The following ADAMTS13 variants were observed in gnomAD, a reference collection of about 807,000 sequenced individuals.
ADAMTS13 encodes the protein ADAM metallopeptidase with thrombospondin type 1 motif 13.
A neutral mutation model predicts 155.1 loss-of-function variants in ADAMTS13; 110 were observed. The observed-to-expected ratio is 0.71, with a 90% confidence interval of 0.61 to 0.83. The LOEUF is 0.83. ADAMTS13 is among the 40% of genes least tolerant of loss of function. The pLI, the probability that ADAMTS13 is intolerant of heterozygous loss-of-function variation, is 0.00. For synonymous variants in ADAMTS13, 758 were observed against 756.4 expected (o/e 1.00, Z -0.03); for missense variants, 1,707 against 1,891.7 (o/e 0.90, Z 1.81).
At position 133,439,407 on chromosome 9, in the gene ADAMTS13, G is replaced by A; in HGVS notation, c.1747G>A (p.Val583Ile). 6.2e-7 allele frequency: 1 copy of A among 1,614,120 alleles called. No homozygotes were observed. Among genetic ancestry groups the A allele is most frequent in the South Asian group, 1.1e-5 (1 of 91,084 alleles). ...GACAGTTACCCCCAACCTGACCAGT[G>A]TCTACATTGCCAACCACAGGCCTCT... The part of the protein sequence containing the change: ...FLTVTPNLTS[V>I]YIANHRPLFT... Residue 583 changes from valine to isoleucine, a missense_variant, in exon 15 of 29, where the codon GTC becomes ATC. Coordinates refer to ENST00000355699, the MANE Select transcript of ADAMTS13 (RefSeq NM_139027.6).
Position 133,425,867 on chromosome 9 carries a change from A to G in ADAMTS13, c.415-71A>G. On this transcript the variant is annotated intron_variant, in intron 4 of 28. Coordinates refer to ENST00000355699, the MANE Select transcript of ADAMTS13 (RefSeq NM_139027.6). This position sits in a 1 kb window ranked among gnomAD's most constrained non-coding sequence, Gnocchi z 4.6. ...GGTTGTTAGGAGGACTAACTGGGAAACAAACCGACCGCAGTCAGCACCGTG... is the reference window on the plus strand; with the variant it reads ...GGTTGTTAGGAGGACTAACTGGGAAGCAAACCGACCGCAGTCAGCACCGTG... 1 of 1,600,778 alleles carries G rather than the reference A, an allele frequency of 6.2e-7. No homozygotes were observed. Among genetic ancestry groups the G allele is most frequent in the African/African-American group, 1.3e-5 (1 of 74,902 alleles).
rs1315537327 is a variant in ADAMTS13 at position 133,458,553 on chromosome 9, CT to C, written c.3910-420del. On this transcript the variant is annotated intron_variant, in intron 28 of 28. Transcript: ENST00000355699. Reference sequence around the variant, plus strand: ...CCTGGGCAACAGAGTGAGACTCTGTCTCAAAAAAAAAAAAAAAAAAAAAGCG... The same window carrying C: ...CCTGGGCAACAGAGTGAGACTCTGTCCAAAAAAAAAAAAAAAAAAAAAGCG... 6.5e-4 allele frequency among the ~76,000 whole-genome samples: 7 copies of C among 10,688 alleles called. No individual in the cohort carries two copies. The Admixed American group carries it at 7.8e-3, about 12-fold the overall frequency. The allele number at this position is 10,688 out of a possible 152,430, so 7.0% of individuals were successfully genotyped here.
chr9:133,434,049 T>C (rs2130828591), intron 11 of ADAMTS13, among the ~76,000 whole-genome samples: 1 of 151,674 alleles, frequency 6.6e-6, no homozygotes, highest in East Asian at 2.0e-4. Context: ...TGAGCCGAGA[T>C]TGGGCCATTG....
chr9:133,438,017 G>A, intron 13 of ADAMTS13, 120 bp downstream of exon 13: 2 of 1,561,214 alleles, frequency 1.3e-6, no homozygotes, highest in African/African-American at 1.3e-5. Flanking sequence ...GCAGGGGAGT[G>A]GTGCTGGGGA....
rs782037445 is a variant in ADAMTS13, at chr9:133,426,250, G to A, written c.591G>A (p.Gln197=). Residue 197 remains glutamine, a synonymous_variant, in exon 6 of 29, where the codon CAG becomes CAA. Transcript: ENST00000355699. Reference sequence around the variant, plus strand: ...ACCGGCAGGTGCGGGGCGTCACCCAGCTGGGCGGTGCCTGCTCCCCAACCT... The same window carrying A: ...ACCGGCAGGTGCGGGGCGTCACCCAACTGGGCGGTGCCTGCTCCCCAACCT... ...DGNRQVRGVT[Q]LGGACSPTWS... 2 of 1,612,896 alleles carry A rather than the reference G, an allele frequency of 1.2e-6. No homozygotes were observed. Among genetic ancestry groups the A allele is most frequent in the South Asian group, 2.2e-5 (2 of 91,090 alleles).
Position 133,456,572 on chromosome 9 carries a change from A to C in ADAMTS13, c.3577A>C (p.Thr1193Pro), listed in dbSNP as rs867510415. 1.9e-6 allele frequency: 3 copies of C among 1,613,490 alleles called. No individual in the cohort carries two copies. The highest frequency in any genetic ancestry group is 2.2e-5 in the East Asian group (1 of 44,874). The change falls in exon 27 of 29, where the codon ACC becomes CCC. Residue 1193 changes from threonine to proline, a missense_variant. Transcript: ENST00000355699. The surrounding 1 kb of genome is among the most constrained non-coding windows in gnomAD (Gnocchi z 4.4). ...GDMLLLWGRL[T>P]WRKMCRKLLD... ...CATGTTGCTGCTTTGGGGCCGGCTC[A>C]CCTGGAGGAAGATGTGCAGGAAGCT...
chr9:133,447,816 A>G (rs1842170522), intron 21 of ADAMTS13, among the ~76,000 whole-genome samples: 1 of 142,380 alleles, frequency 7.0e-6, no homozygotes, highest in African/African-American at 2.6e-5. Context: ...CTGGTCTCAA[A>G]CTCCTGACCT....
chr9:133,426,050 T>C lies in ADAMTS13; in HGVS notation c.527T>C (p.Leu176Pro). 1 of 1,614,018 alleles carries C rather than the reference T, an allele frequency of 6.2e-7. No homozygotes were observed. The highest frequency in any genetic ancestry group is 8.5e-7 in the Non-Finnish European group (1 of 1,180,028). Residue 176 changes from leucine (L) to proline (P), a missense_variant, in exon 5 of 29, where the codon CTC becomes CCC. By Grantham distance (98) the Leu-to-Pro change is moderately conservative (BLOSUM62 -3). Around this residue, in one of 3 missense-constraint regions of ADAMTS13, gnomAD observed 733 missense variants for 749.6 expected, o/e 0.98. Transcript: ENST00000355699. The part of the protein sequence containing the change: ...DTDPGHADLV[L>P]YITRFDLELP... ...GATCCTGGCCATGCTGACCTGGTCCTCTATATCACTAGGTAGCCGAGCTTT... is the reference window on the plus strand; with the variant it reads ...GATCCTGGCCATGCTGACCTGGTCCCCTATATCACTAGGTAGCCGAGCTTT...
intron 19 of ADAMTS13, among the ~76,000 whole-genome samples, chr9:133,443,867 TG>T (rs926723011): frequency 4.6e-5 from 7 of 151,908 alleles, no homozygotes; most frequent in Admixed American, 1.3e-4. Context: ...GAGTGGGAGA[TG>T]TCACTTTCTC....
rs1400291999 is a variant in ADAMTS13 at position 133,458,043 on chromosome 9, G to T, written c.3858G>T (p.Leu1286=). Reference sequence around the variant, plus strand: ...ACGCACGGATTGCCATCCATGCCCTGGCCACCAACATGGGCGCTGGGACCG... The same window carrying T: ...ACGCACGGATTGCCATCCATGCCCTTGCCACCAACATGGGCGCTGGGACCG... ...APHARIAIHA[L]ATNMGAGTEG... is the part of the protein sequence containing the mutation. Residue 1286 remains leucine (L), a synonymous_variant, in exon 28 of 29, where the codon CTG becomes CTT. Transcript: ENST00000355699. 1.9e-6 allele frequency: 3 copies of T among 1,613,342 alleles called. No homozygotes were observed. The highest frequency in any genetic ancestry group is 2.5e-6 in the Non-Finnish European group (3 of 1,180,040).
Position 133,443,564 on chromosome 9 carries a change from G to A in ADAMTS13, c.2420+3G>A, listed in dbSNP as rs1273042502. 3 of 1,543,886 alleles carry A rather than the reference G, an allele frequency of 1.9e-6. No individual in the cohort carries two copies. The African/African-American group carries it at 4.1e-5, about 21-fold the overall frequency. ...AACCCCCAGCCCTGCCCTGCCAGGT[G>A]AGCCCAGGGCTAGGTGGGGCTGGGA... On this transcript the variant is annotated splice_donor_region_variant and intron_variant, in intron 19 of 28. Transcript: ENST00000355699.
intron 21 of ADAMTS13, among the ~76,000 whole-genome samples, chr9:133,447,682 A>C (rs1842162938): frequency 6.6e-6 from 1 of 150,932 alleles, no homozygotes; most frequent in Non-Finnish European, 1.5e-5. Context: ...TCCGCCTCCC[A>C]TGTTCAAACG....
rs751226193 is a variant in ADAMTS13, at chr9:133,445,944, C to T, written c.2731+125C>T. 8.2e-5 allele frequency: 109 copies of T among 1,327,766 alleles called. No individual in the cohort carries two copies. Among genetic ancestry groups the T allele is most frequent in the Non-Finnish European group, 9.2e-5 (92 of 995,834 alleles). 82.2% of individuals were successfully genotyped at this position (1,327,766 alleles called of 1,614,324 possible). Reference sequence around the variant, plus strand: ...AGAAAATCCAGACTATATGGGAACACGTGGTAATACACAAGGAGACTAAGC... The same window carrying T: ...AGAAAATCCAGACTATATGGGAACATGTGGTAATACACAAGGAGACTAAGC... On this transcript the variant is annotated intron_variant, in intron 21 of 28. Transcript: ENST00000355699. The surrounding 1 kb of genome is among the most constrained non-coding windows in gnomAD (Gnocchi z 5.0).
intron 23 of ADAMTS13, 55 bp downstream of exon 23, chr9:133,450,020 A>G: frequency 5.2e-6 from 8 of 1,539,280 alleles, no homozygotes; most frequent in South Asian, 1.2e-5. Flanking sequence ...ATGCCAGGCC[A>G]GGCGCTGTGG....
At chr9:133,439,700 A>T (rs1554790136) in intron 15 of ADAMTS13, among the ~76,000 whole-genome samples, 1 of 152,218 alleles carries the variant, frequency 6.6e-6, no homozygotes, top group Non-Finnish European at 1.5e-5. Context: ...GGAGGGTCCA[A>T]CCAGGAGGCC....
rs782160285 is a variant in ADAMTS13, at chr9:133,448,695, G to A, written c.2828G>A (p.Arg943Gln). ...CGLASKPGSR[R>Q]EVCQAVPCPA... The stretch of plus-strand genomic sequence containing the variant: ...CTGGCAAGCAAGCCTGGGAGCCGGC[G>A]GGAGGTCTGCCAGGCTGTCCCGTGC... The change falls in exon 22 of 29, where the codon CGG becomes CAG. Residue 943 changes from arginine (R) to glutamine (Q), a missense_variant. Around this residue, in one of 3 missense-constraint regions of ADAMTS13, gnomAD observed 961 missense variants for 1,107.9 expected, o/e 0.87. Coordinates refer to ENST00000355699, the MANE Select transcript of ADAMTS13 (RefSeq NM_139027.6). 93 of 1,604,366 alleles carry A rather than the reference G, an allele frequency of 5.8e-5. 1 individual carries two copies. The highest frequency in any genetic ancestry group is 2.2e-4 in the South Asian group (20 of 90,990).
At chr9:133,414,699 T>C in intron 1 of ADAMTS13, 1 of 1,614,070 alleles carries the variant, frequency 6.2e-7, no homozygotes, top group South Asian at 1.1e-5. Flanking sequence ...TCCTTAGCTT[T>C]CCGCTTCTTA....
chr9:133,452,592 G>T (rs36222282), intron 23 of ADAMTS13, among the ~76,000 whole-genome samples: 1 of 152,060 alleles, frequency 6.6e-6, no homozygotes, highest in Non-Finnish European at 1.5e-5. Flanking sequence ...CTGCCTGCAT[G>T]GTGCTTAAAC....
intron 11 of ADAMTS13, 51 bp from the exon 12 acceptor site, chr9:133,436,778 A>AGGGGGGG: frequency 2.3e-6 from 1 of 433,950 alleles, no homozygotes; most frequent in Non-Finnish European, 4.6e-6. Context: ...CAGTGACAAC[A>AGGGGGGG]CCCGCCCCCC....
Sources: gnomAD v4.1 joint callset for allele counts (sites outside exome capture counted in the v4.1 genomes callset) on GRCh38, gnomAD v4.1.1 for gene constraint, gnomAD v4.1.1 regional missense constraint, Gnocchi (gnomAD v3.1) non-coding constraint, MANE v1.5 for transcripts, NCBI Gene and HGNC (gene_info 2026-07-23, HGNC 2026-07-21) for gene names.